The following SFMBT1 variants were observed in gnomAD, a reference collection of about 807,000 sequenced individuals.
The protein encoded by SFMBT1 is Scm like with four mbt domains 1, also known as scm-like with four MBT domains protein 1.
Under a neutral mutation model 108.7 loss-of-function variants are expected in SFMBT1, and 32 were observed. The ratio of observed to expected loss-of-function variants is 0.29; its 90% CI spans 0.22 to 0.40. The LOEUF (loss-of-function observed/expected upper bound fraction) is 0.40. Ranked by LOEUF, SFMBT1 falls within the 10% of genes least tolerant of loss-of-function variation. The probability of loss-of-function intolerance (pLI) is 1.00; values close to 1 mark genes in which losing one functional copy is unlikely to be tolerated. For missense variants in SFMBT1, 816 were observed against 1,059.6 expected (o/e 0.77, Z 3.19); for synonymous variants, 348 against 369.5 (o/e 0.94, Z 0.67).
intron 1 of SFMBT1, among the ~76,000 whole-genome samples, chr3:53,013,790 A>C (rs377006639): frequency 1.4e-5 from 2 of 147,330 alleles, no homozygotes; most frequent in Non-Finnish European, 2.9e-5. Context: ...CACCACACCC[A>C]GCTAATTTTT....
chr3:52,956,100 A>T (rs1703771581), intron 2 of SFMBT1, among the ~76,000 whole-genome samples: 1 of 152,246 alleles, frequency 6.6e-6, no homozygotes, highest in Non-Finnish European at 1.5e-5. Flanking sequence ...ACTAAAGATA[A>T]AAACCACATG....
chr3:52,905,742 G>A (rs947635444), intron 20 of SFMBT1, among the ~76,000 whole-genome samples: 1 of 152,278 alleles, frequency 6.6e-6, no homozygotes, highest in South Asian at 2.1e-4. Context: ...GCCACTGACT[G>A]TGTTTCAGCA....
chr3:53,006,836 T>C (rs73839647), intron 1 of SFMBT1, among the ~76,000 whole-genome samples: 2,129 of 152,274 alleles, frequency 0.014, 58 homozygotes, highest in African/African-American at 0.049. Flanking sequence ...TCATTTTACC[T>C]TCAGAACAAT....
At chr3:52,940,409 T>C (rs1407696091) in intron 4 of SFMBT1, among the ~76,000 whole-genome samples, 1 of 152,222 alleles carries the variant, frequency 6.6e-6, no homozygotes, top group Non-Finnish European at 1.5e-5. Flanking sequence ...AAGGATACAG[T>C]AGCCCGCTTG....
chr3:53,005,348 C>T (rs1036951525), intron 1 of SFMBT1, among the ~76,000 whole-genome samples: 7 of 152,168 alleles, frequency 4.6e-5, no homozygotes, highest in African/African-American at 1.4e-4. Context: ...CTCACTCTGT[C>T]ACCCAGGCCG....
rs1702647559 is a variant in SFMBT1, at chr3:52,926,026, C to T, written c.1131+5G>A. Reference sequence around the variant, plus strand: ...TAGTGGCCATGAGGCCGTGGGGGTCCTCACCGGAGGGAAGCACCTCTGGGG... The same window carrying T: ...TAGTGGCCATGAGGCCGTGGGGGTCTTCACCGGAGGGAAGCACCTCTGGGG... On this transcript the variant is annotated splice_donor_5th_base_variant and intron_variant, in intron 10 of 20. Coordinates refer to ENST00000394752, the MANE Select transcript of SFMBT1 (RefSeq NM_016329.4). 6.2e-7 allele frequency: 1 copy of T among 1,605,498 alleles called. No individual in the cohort carries two copies. The highest frequency in any genetic ancestry group is 1.7e-5 in the Admixed American group (1 of 58,022).
chr3:52,907,736 A>G lies in SFMBT1; in HGVS notation c.1907-3T>C. 6.3e-7 allele frequency: 1 copy of G among 1,586,948 alleles called. No individual in the cohort carries two copies. Among genetic ancestry groups the G allele is most frequent in the Admixed American group, 1.9e-5 (1 of 52,374 alleles). ...TTTCTTCTTTCCGTAATAGTGTGCT[A>G]AATGTGGATGACAAAGAAAAATGAA... is the stretch of plus-strand genomic sequence containing the variant. On this transcript the variant is annotated splice_region_variant and splice_polypyrimidine_tract_variant and intron_variant, in intron 17 of 20. Coordinates refer to ENST00000394752, the MANE Select transcript of SFMBT1 (RefSeq NM_016329.4).
chr3:52,966,524 C>T (rs1335152340), intron 2 of SFMBT1, among the ~76,000 whole-genome samples: 1 of 143,400 alleles, frequency 7.0e-6, no homozygotes, highest in East Asian at 2.1e-4. Context: ...ACTTGGGAGG[C>T]TGAGGCAGGA....
intron 1 of SFMBT1, among the ~76,000 whole-genome samples, chr3:53,043,790 A>G (rs7613013): frequency 0.3 from 45,495 of 152,086 alleles, 7,187 homozygotes; most frequent in East Asian, 0.49. Context: ...AAGAATCATT[A>G]TAAAAGCAAA....
At position 52,916,525 on chromosome 3, in the gene SFMBT1, T is replaced by C. The variant is rs183946302; in HGVS notation, c.1416-311A>G. ...TCTACTAAAAATACAAAAAATTAGC[T>C]GGGCATGGTGGCAGGCACCTGTAGT... On this transcript the variant is annotated intron_variant, in intron 13 of 20. Transcript: ENST00000394752. Among the ~76,000 whole-genome samples the C allele has an allele frequency of 6.4e-3, 973 of 151,716 alleles. 91 individuals are homozygous for C. The South Asian group carries it at 0.18, about 28-fold the overall frequency.
chr3:53,036,507 G>C (rs1395116156), intron 1 of SFMBT1, among the ~76,000 whole-genome samples: 1 of 152,246 alleles, frequency 6.6e-6, no homozygotes, highest in Non-Finnish European at 1.5e-5. Context: ...TGTAAAGAAA[G>C]AGACCTGGGC....
intron 1 of SFMBT1, among the ~76,000 whole-genome samples, chr3:53,039,452 G>A (rs1699965553): frequency 6.6e-6 from 1 of 152,196 alleles, no homozygotes; most frequent in Non-Finnish European, 1.5e-5. Flanking sequence ...GGTTGTCTAG[G>A]GTGGGAGGAG....
At chr3:53,022,131 C>T (rs887115588) in intron 1 of SFMBT1, among the ~76,000 whole-genome samples, 1 of 152,148 alleles carries the variant, frequency 6.6e-6, no homozygotes, top group Non-Finnish European at 1.5e-5. Flanking sequence ...GCTACTCTAG[C>T]AGGTGTTTGT....
intron 2 of SFMBT1, among the ~76,000 whole-genome samples, chr3:52,964,704 A>C (rs1704074627): frequency 6.6e-6 from 1 of 152,128 alleles, no homozygotes; most frequent in African/African-American, 2.4e-5. Flanking sequence ...GGGGCAGGAT[A>C]TGTTCAGGAG....
In SFMBT1 at chr3:52,999,078, T is replaced by G. The variant is rs972740792; in HGVS notation, c.-130-29820A>C. ...GCCGGGGACGCCCGAGGACATGCTC[T>G]TCACCCAAGGCCTGCGCCGGCGTCT... On this transcript the variant is annotated intron_variant, in intron 1 of 20. Transcript: ENST00000394752. Among the ~76,000 whole-genome samples the G allele has an allele frequency of 6.6e-5, 10 of 150,816 alleles. 1 individual carries two copies. Among genetic ancestry groups the G allele is most frequent in the African/African-American group, 2.4e-4 (10 of 41,384 alleles).
chr3:52,928,435 T>G, intron 8 of SFMBT1, 94 bp from the exon 9 acceptor site: 1 of 1,314,568 alleles, frequency 7.6e-7, no homozygotes, highest in Admixed American at 2.1e-5. Context: ...AAGTTCATAC[T>G]CATGTGGGTA....
In SFMBT1 at chr3:52,934,981, T is replaced by C. The variant is rs1702965177; in HGVS notation, c.365-80A>G. ...GAAACCGAAATCAGTGGAGATGGTTTAAAGGTATTTCACATTTTAAGATCT... is the reference window on the plus strand; with the variant it reads ...GAAACCGAAATCAGTGGAGATGGTTCAAAGGTATTTCACATTTTAAGATCT... On this transcript the variant is annotated intron_variant, in intron 4 of 20. Transcript: ENST00000394752. 3 of 1,111,130 alleles carry C rather than the reference T, an allele frequency of 2.7e-6. No homozygotes were observed. The Admixed American group carries it at 6.2e-5, about 23-fold the overall frequency. 68.8% of individuals were successfully genotyped at this position (1,111,130 alleles called of 1,614,324 possible).
At chr3:52,932,882 G>A (rs1702897744) in intron 5 of SFMBT1, among the ~76,000 whole-genome samples, 1 of 152,136 alleles carries the variant, frequency 6.6e-6, no homozygotes, top group Non-Finnish European at 1.5e-5. Flanking sequence ...CTGCACTCTA[G>A]CCTAGGCAAC....
At chr3:52,991,070 T>C (rs1705107167) in intron 1 of SFMBT1, among the ~76,000 whole-genome samples, 1 of 152,244 alleles carries the variant, frequency 6.6e-6, no homozygotes, top group Admixed American at 6.5e-5. Flanking sequence ...CATTTTTACA[T>C]ACATTAAGCC....
Sources: gnomAD v4.1 joint callset for allele counts (sites outside exome capture counted in the v4.1 genomes callset) on GRCh38, gnomAD v4.1.1 for gene constraint, MANE v1.5 for transcripts, NCBI Gene and HGNC (gene_info 2026-07-23, HGNC 2026-07-21) for gene names.